CAST: variants seen among roughly 807,000 people sequenced by gnomAD.
The protein encoded by CAST is MIR583 host.
In CAST, 76 loss-of-function variants were observed where a neutral mutation model predicts 119.6. That is an observed-to-expected ratio of 0.64 (90% CI 0.53 to 0.77). The LOEUF (loss-of-function observed/expected upper bound fraction) is 0.77, where lower values mean the gene tolerates loss of function less well. Among genes scored for constraint, CAST ranks in the 30% least tolerant of loss-of-function variants. The pLI is 0.00. For synonymous variants in CAST, 319 were observed against 331.6 expected, an observed-to-expected ratio of 0.96 and a Z score of 0.41; for missense variants, 953 against 946.5, an observed-to-expected ratio of 1.01 and a Z score of -0.09.
intron 29 of CAST, 36 bp downstream of exon 29, chr5:96,768,035 T>TGAAAAA: frequency 1.5e-6 from 2 of 1,317,812 alleles, no homozygotes; most frequent in Non-Finnish European, 2.2e-6. Context: ...CTTTGAAATG[T>TGAAAAA]GTGTGTGTGT....
At chr5:95,962,910 G>C in the CAST span, among the ~76,000 whole-genome samples, 2 of 152,292 alleles carry the variant, frequency 1.3e-5, no homozygotes, top group Non-Finnish European at 2.9e-5. Flanking sequence ...GGGGGCGTGA[G>C]GGGCGTGCAA....
chr5:95,996,149 G>A, the CAST span, among the ~76,000 whole-genome samples: 1 of 152,146 alleles, frequency 6.6e-6, no homozygotes, highest in Non-Finnish European at 1.5e-5. Context: ...GACGCACTGA[G>A]GAAGACTTTG....
chr5:96,662,147 G>A, upstream of CAST: 1 of 385,154 alleles, frequency 2.6e-6, no homozygotes, highest in Non-Finnish European at 4.6e-6. Flanking sequence ...GCAGTGCTGG[G>A]GCCGGGGCGG....
chr5:96,342,459 G>A, the CAST span, among the ~76,000 whole-genome samples: 1 of 152,120 alleles, frequency 6.6e-6, no homozygotes, highest in African/African-American at 2.4e-5. Flanking sequence ...CAAGTGCTCA[G>A]GTGAGGCTGG....
chr5:96,591,547 T>C (rs1746962411), intron 1 of CAST, among the ~76,000 whole-genome samples: 1 of 152,132 alleles, frequency 6.6e-6, no homozygotes. Context: ...AATTAATCTA[T>C]AAAAAAGATC....
chr5:96,229,017 G>A, the CAST span, among the ~76,000 whole-genome samples: 2 of 151,582 alleles, frequency 1.3e-5, no homozygotes, highest in South Asian at 2.1e-4. Flanking sequence ...TTAGAATAAC[G>A]ATTTTATGTG....
the CAST span, among the ~76,000 whole-genome samples, chr5:95,999,251 G>A: frequency 6.6e-6 from 1 of 151,916 alleles, no homozygotes; most frequent in Admixed American, 6.6e-5. Context: ...TTTTGTGTCT[G>A]GCTTGTTTTG....
the CAST span, among the ~76,000 whole-genome samples, chr5:95,963,904 C>T: frequency 6.6e-6 from 1 of 152,128 alleles, no homozygotes; most frequent in Non-Finnish European, 1.5e-5. Context: ...CCTACTCTTA[C>T]TCAGAATTTC....
chr5:96,188,390 G>A, the CAST span, among the ~76,000 whole-genome samples: 1 of 152,068 alleles, frequency 6.6e-6, no homozygotes, highest in African/African-American at 2.4e-5. Flanking sequence ...TTAAATATGA[G>A]TGATGATTTT....
the CAST span, among the ~76,000 whole-genome samples, chr5:96,270,470 C>T: frequency 6.6e-6 from 1 of 152,114 alleles, no homozygotes; most frequent in Non-Finnish European, 1.5e-5. Flanking sequence ...TTGCAGACAA[C>T]ATGATGTTAT....
At chr5:96,733,794 T>C (rs1340822961) in intron 9 of CAST, among the ~76,000 whole-genome samples, 1 of 152,176 alleles carries the variant, frequency 6.6e-6, no homozygotes, top group Non-Finnish European at 1.5e-5. Flanking sequence ...GGAGAATTGC[T>C]TGAACCCGGG....
the CAST span, among the ~76,000 whole-genome samples, chr5:96,414,078 G>A: frequency 6.7e-6 from 1 of 148,372 alleles, no homozygotes; most frequent in African/African-American, 2.5e-5. Context: ...GGCGGAGCTT[G>A]CAGTGAGCCG....
chr5:96,265,304 T>TA, the CAST span, among the ~76,000 whole-genome samples: 2 of 151,910 alleles, frequency 1.3e-5, no homozygotes. Context: ...AATATATATA[T>TA]TTTTAATTTA....
the CAST span, among the ~76,000 whole-genome samples, chr5:96,016,087 CTGA>C: frequency 6.6e-6 from 1 of 152,202 alleles, no homozygotes; most frequent in Non-Finnish European, 1.5e-5. Context: ...TGAGGCTTCC[CTGA>C]AGAAGAAATT....
At chr5:96,081,910 C>CTTTA in the CAST span, among the ~76,000 whole-genome samples, 5 of 152,148 alleles carry the variant, frequency 3.3e-5, no homozygotes, top group South Asian at 2.1e-4. Context: ...GGCACAAAGT[C>CTTTA]TTTATTTATT....
chr5:96,188,483 T>C, the CAST span, among the ~76,000 whole-genome samples: 1 of 152,150 alleles, frequency 6.6e-6, no homozygotes. Flanking sequence ...TGATATTATG[T>C]TATTAATTTT....
chr5:96,328,382 C>CT, the CAST span, among the ~76,000 whole-genome samples: 1,980 of 18,880 alleles, frequency 0.1, 367 homozygotes, highest in Admixed American at 0.15. Flanking sequence ...CTTCTCTCTC[C>CT]CTCTCTCTCT....
At chr5:96,305,217 G>A in the CAST span, among the ~76,000 whole-genome samples, 7 of 152,282 alleles carry the variant, frequency 4.6e-5, no homozygotes, top group African/African-American at 1.2e-4. Flanking sequence ...TAGCAACTGT[G>A]AATGGGAGTT....
chr5:96,245,589 C>T, the CAST span, among the ~76,000 whole-genome samples: 432 of 147,792 alleles, frequency 2.9e-3, 1 homozygote, highest in Admixed American at 5.3e-3. Context: ...TCTGTGTGTT[C>T]AGGGCTATCA....
Sources: allele counts gnomAD v4.1 joint callset (sites outside exome capture counted in the v4.1 genomes callset), GRCh38; gene constraint gnomAD v4.1.1; transcripts MANE v1.5; gene names NCBI Gene and HGNC (gene_info 2026-07-23, HGNC 2026-07-21).